NRG2: variants seen among roughly 807,000 people sequenced by gnomAD.
The protein encoded by NRG2 is pro-neuregulin-2, membrane-bound isoform.
Under a neutral mutation model 73.9 loss-of-function variants are expected in NRG2, and 27 were observed. The ratio of observed to expected loss-of-function variants is 0.37; its 90% CI spans 0.27 to 0.50. The LOEUF (loss-of-function observed/expected upper bound fraction) is 0.50, where lower values mean the gene tolerates loss of function less well. Ranked by LOEUF, NRG2 falls within the 20% of genes least tolerant of loss-of-function variation. The pLI is 0.96. For missense variants in NRG2, 1,126 were observed against 1,210.1 expected (o/e 0.93, Z 1.03); for synonymous variants, 532 against 541.0 (o/e 0.98, Z 0.23).
chr5:139,883,553 C>T (rs890881158), intron 2 of NRG2, among the ~76,000 whole-genome samples: 8 of 152,098 alleles, frequency 5.3e-5, no homozygotes, highest in African/African-American at 1.9e-4. Context: ...CAGAGTGCGG[C>T]CCGGGCAGGG....
chr5:139,989,934 GCCCA>G lies in NRG2; in HGVS notation c.700+52432_700+52435del, dbSNP rs1561733795. On this transcript the variant is annotated intron_variant, in intron 1 of 9. Transcript: ENST00000361474. The stretch of plus-strand genomic sequence containing the variant: ...CTCCCGAGTAGCTGGGACTACAGGT[GCCCA>G]CCACCACGCCCAGCTAATTTTTTGT... Among the ~76,000 whole-genome samples the G allele has an allele frequency of 2.7e-5, 4 of 150,864 alleles. No individual in the cohort carries two copies. In the East Asian group the frequency reaches 5.8e-4, roughly 22 times the overall value.
At chr5:139,864,446 A>C (rs1251083680) in intron 5 of NRG2, among the ~76,000 whole-genome samples, 1 of 151,364 alleles carries the variant, frequency 6.6e-6, no homozygotes, top group African/African-American at 2.4e-5. Flanking sequence ...AAGTTGAAGA[A>C]AGGAAGGGAA....
rs1762398430 is a variant in NRG2, at chr5:139,865,099, G to A, written c.1189+450C>T. ...CAGTCACCAGGGAAGAGAAGAAATA[G>A]AAGAAAGAGACATACTGGAGAAGTT... On this transcript the variant is annotated intron_variant, in intron 5 of 9. Transcript: ENST00000361474. This position sits in a 1 kb window ranked among gnomAD's most constrained non-coding sequence, Gnocchi z 5.2. 6 of 1,608,756 alleles carry A rather than the reference G, an allele frequency of 3.7e-6. No homozygotes were observed. The highest frequency in any genetic ancestry group is 5.1e-6 in the Non-Finnish European group (6 of 1,175,256).
At position 139,938,593 on chromosome 5, in the gene NRG2, G is replaced by A. The variant is rs186451463; in HGVS notation, c.701-51082C>T. ...GTTCCCAGGCTGGTCTTGAACTCCT[G>A]AGCCCAAGTGATTCTCTCACCTTGG... On this transcript the variant is annotated intron_variant, in intron 1 of 9. Transcript: ENST00000361474. Among the ~76,000 whole-genome samples, 431 of 151,990 alleles carry A rather than the reference G, an allele frequency of 2.8e-3. 1 individual carries two copies. Among genetic ancestry groups the A allele is most frequent in the Non-Finnish European group, 4.9e-3 (334 of 67,988 alleles).
At chr5:139,901,679 T>C (rs1315380761) in intron 1 of NRG2, among the ~76,000 whole-genome samples, 1 of 152,236 alleles carries the variant, frequency 6.6e-6, no homozygotes, top group African/African-American at 2.4e-5. Flanking sequence ...CTAATCTGCC[T>C]TCACACTCCA....
intron 2 of NRG2, among the ~76,000 whole-genome samples, chr5:139,881,506 A>T (rs1286511324): frequency 6.6e-6 from 1 of 152,130 alleles, no homozygotes; most frequent in African/African-American, 2.4e-5. Context: ...ACTAAGGGGC[A>T]CTCTGTGGCT....
chr5:139,938,850 A>AAG (rs61044289), intron 1 of NRG2, among the ~76,000 whole-genome samples: 32,209 of 94,352 alleles, frequency 0.34, 7,178 homozygotes, highest in East Asian at 0.5. Flanking sequence ...ACAGAAAGGG[A>AAG]AGAGAGAGAG....
At chr5:139,861,645 T>C (rs1056975190) in intron 5 of NRG2, 16 of 467,562 alleles carry the variant, frequency 3.4e-5, no homozygotes, top group Non-Finnish European at 6.0e-5. Context: ...GCATTCCCAC[T>C]CTGACTGCTT....
At chr5:139,971,976 C>A (rs778544928) in intron 1 of NRG2, among the ~76,000 whole-genome samples, 3 of 151,964 alleles carry the variant, frequency 2.0e-5, no homozygotes, top group African/African-American at 4.8e-5. Context: ...CTGCCAGATA[C>A]GAAAATGTAT....
At chr5:139,867,805 T>TGTGA (rs1762579216) in intron 4 of NRG2, among the ~76,000 whole-genome samples, 1 of 127,166 alleles carries the variant, frequency 7.9e-6, no homozygotes. Context: ...TGTATGAGTG[T>TGTGA]GTGTGTGTGT....
chr5:139,920,301 A>C (rs1175936932), intron 1 of NRG2, among the ~76,000 whole-genome samples: 1 of 152,206 alleles, frequency 6.6e-6, no homozygotes, highest in Non-Finnish European at 1.5e-5. Flanking sequence ...TAAAAGTAAA[A>C]GTAAAGTTCT....
At chr5:140,007,037 C>T (rs545063893) in intron 1 of NRG2, among the ~76,000 whole-genome samples, 79 of 152,242 alleles carry the variant, frequency 5.2e-4, no homozygotes, top group African/African-American at 1.7e-3. Context: ...CCCACAGGGA[C>T]GATTTCCATG....
intron 1 of NRG2, among the ~76,000 whole-genome samples, chr5:140,038,686 G>T (rs1229791460): frequency 3.3e-5 from 5 of 152,166 alleles, no homozygotes; most frequent in Non-Finnish European, 5.9e-5. Context: ...TACGAAACGC[G>T]GCAGGGCAGG....
chr5:140,026,499 G>A (rs972430562), intron 1 of NRG2, among the ~76,000 whole-genome samples: 6 of 152,152 alleles, frequency 3.9e-5, no homozygotes, highest in Non-Finnish European at 8.8e-5. Context: ...TACTTGGGAG[G>A]CTGAGGTGGG....
chr5:139,902,476 T>C (rs1195074408), intron 1 of NRG2, among the ~76,000 whole-genome samples: 1 of 152,136 alleles, frequency 6.6e-6, no homozygotes, highest in Non-Finnish European at 1.5e-5. Context: ...CCCTTCTCTC[T>C]CCCCTCCTTT....
At chr5:139,910,828 C>T (rs527961970) in intron 1 of NRG2, among the ~76,000 whole-genome samples, 1 of 152,244 alleles carries the variant, frequency 6.6e-6, no homozygotes, top group African/African-American at 2.4e-5. Context: ...TTGCTTCAGC[C>T]CACCCAATCC....
chr5:140,040,993 G>T (rs1451116465), intron 1 of NRG2, among the ~76,000 whole-genome samples: 1 of 152,150 alleles, frequency 6.6e-6, no homozygotes, highest in East Asian at 1.9e-4. Flanking sequence ...CATAGTTAGT[G>T]TCTAGATATA....
chr5:139,850,067 C>A (rs1761311146), intron 9 of NRG2, among the ~76,000 whole-genome samples: 1 of 152,220 alleles, frequency 6.6e-6, no homozygotes, highest in African/African-American at 2.4e-5. Context: ...TCAAGTTGTT[C>A]CCCGTGCCTA....
rs144325346 is a variant in NRG2 at position 139,973,494 on chromosome 5, C to T, written c.700+68876G>A. ...CTCCCACCTCAGCCTCCCAAGTAGC[C>T]GGGACTACAGGCATGTGCCTACACC... On this transcript the variant is annotated intron_variant, in intron 1 of 9. Coordinates refer to ENST00000361474, the MANE Select transcript of NRG2 (RefSeq NM_004883.3). 1.9e-3 allele frequency among the ~76,000 whole-genome samples: 287 copies of T among 152,074 alleles called. 8 individuals carry two copies. Among genetic ancestry groups the T allele is most frequent in the Middle Eastern group, 0.01 (3 of 294 alleles).
Sources: gnomAD v4.1 joint callset for allele counts (sites outside exome capture counted in the v4.1 genomes callset) on GRCh38, gnomAD v4.1.1 for gene constraint, Gnocchi (gnomAD v3.1) non-coding constraint, MANE v1.5 for transcripts, NCBI Gene and HGNC (gene_info 2026-07-23, HGNC 2026-07-21) for gene names.